Variants in CERS3 observed in about 807,000 individuals in gnomAD.
CERS3 encodes ceramide synthase 3, also known as LAG1 homolog, ceramide synthase 3.
A neutral mutation model predicts 50.3 loss-of-function variants in CERS3; 33 were observed. The ratio of observed to expected loss-of-function variants is 0.66; its 90% confidence interval spans 0.50 to 0.88. CERS3 has a LOEUF of 0.88. CERS3 is among the 40% of genes least tolerant of loss of function. The pLI, the probability that CERS3 is intolerant of heterozygous loss-of-function variation, is 0.00. For missense variants in CERS3, 470 were observed against 460.3 expected (o/e 1.02, Z -0.19); for synonymous variants, 176 against 155.2 (o/e 1.13, Z -0.99).
At chr15:100,479,812 C>A (rs1475029225) in intron 6 of CERS3, among the ~76,000 whole-genome samples, 177 bp downstream of exon 6, 1 of 151,972 alleles carries the variant, frequency 6.6e-6, no homozygotes, top group South Asian at 2.1e-4. Context: ...ATTGCTTCTG[C>A]AGCAATAAAA....
chr15:100,450,326 G>A (rs1337580715), intron 11 of CERS3, among the ~76,000 whole-genome samples: 1 of 151,570 alleles, frequency 6.6e-6, no homozygotes, highest in Admixed American at 6.6e-5. Context: ...GTTGAGGCAG[G>A]GGAATTGCTT....
chr15:100,411,399 T>G (rs1483457412), intron 11 of CERS3, among the ~76,000 whole-genome samples: 3 of 152,132 alleles, frequency 2.0e-5, no homozygotes, highest in Non-Finnish European at 2.9e-5. Context: ...TGACCTCAGG[T>G]GATCCACCCG....
At chr15:100,514,633 TG>T (rs1165342468) in intron 2 of CERS3, among the ~76,000 whole-genome samples, 2 of 152,182 alleles carry the variant, frequency 1.3e-5, no homozygotes, top group East Asian at 3.8e-4. Context: ...ATCCAGCTAA[TG>T]TTAGAAATTA....
chr15:100,495,034 C>A (rs12913650), intron 3 of CERS3, among the ~76,000 whole-genome samples: 8 of 152,170 alleles, frequency 5.3e-5, no homozygotes, highest in African/African-American at 1.9e-4. Context: ...TTGTTTTAGA[C>A]AAACACCCTC....
chr15:100,530,552 C>G (rs2036912754), upstream of CERS3, among the ~76,000 whole-genome samples: 1 of 152,230 alleles, frequency 6.6e-6, no homozygotes, highest in Non-Finnish European at 1.5e-5. Flanking sequence ...ACCTACTACT[C>G]TATCACAACT....
chr15:100,544,470 G>T (rs2037305697), intron 1 of CERS3: 1 of 145,670 alleles, frequency 6.9e-6, no homozygotes, highest in Admixed American at 6.9e-5. Context: ...GTCTGCGCGG[G>T]GACACGGGCC....
chr15:100,460,748 G>GT (rs1205217146), intron 10 of CERS3, among the ~76,000 whole-genome samples: 1 of 152,152 alleles, frequency 6.6e-6, no homozygotes, highest in Non-Finnish European at 1.5e-5. Flanking sequence ...CCCTTACTAG[G>GT]TCCCCTATTG....
chr15:100,465,903 C>G (rs901519125), intron 10 of CERS3, among the ~76,000 whole-genome samples: 1 of 152,164 alleles, frequency 6.6e-6, no homozygotes, highest in African/African-American at 2.4e-5. Flanking sequence ...AGGTGATCCT[C>G]CTGCCTTGGC....
chr15:100,475,502 T>C (rs994248361), intron 8 of CERS3, among the ~76,000 whole-genome samples: 3 of 152,222 alleles, frequency 2.0e-5, no homozygotes, highest in African/African-American at 4.8e-5. Flanking sequence ...GGATTTAACA[T>C]GGTTTGCTGG....
chr15:100,490,892 T>G lies in CERS3; in HGVS notation c.213A>C (p.Lys71Asn). The change falls in exon 4 of 12, where the codon AAA becomes AAC. Residue 71 changes from lysine (K) to asparagine (N), a missense_variant. Lys to Asn is a moderately conservative substitution (Grantham distance 94, BLOSUM62 0). Transcript: ENST00000679737. ...ASPLAKSFGIKETVRKVTPNT... is the reference protein window; with the variant it reads ...ASPLAKSFGINETVRKVTPNT... The stretch of plus-strand genomic sequence containing the variant: ...TTGGTGTAACCTTTCGAACTGTCTC[T>G]TTAATGCCAAATGATTTTGCTAGAG... The G allele has an allele frequency of 6.2e-7, 1 of 1,607,518 alleles. No homozygotes were observed. The highest frequency in any genetic ancestry group is 8.5e-7 in the Non-Finnish European group (1 of 1,177,988).
At chr15:100,540,672 C>T (rs904667079) in intron 1 of CERS3, among the ~76,000 whole-genome samples, 11 of 152,252 alleles carry the variant, frequency 7.2e-5, no homozygotes, top group Non-Finnish European at 8.8e-5. Context: ...TGCAATACAA[C>T]TTGATCAGAG....
At chr15:100,475,400 T>C (rs2587760) in intron 8 of CERS3, among the ~76,000 whole-genome samples, 133,785 of 152,246 alleles carry the variant, frequency 0.88, 59,364 homozygotes, top group South Asian at 0.96. Context: ...CAGCCTTTTA[T>C]TTACGGTGTA....
chr15:100,499,361 CCA>C (rs558377540), intron 3 of CERS3, among the ~76,000 whole-genome samples: 5 of 151,790 alleles, frequency 3.3e-5, no homozygotes, highest in Admixed American at 2.6e-4. Flanking sequence ...AAAACATTAG[CCA>C]CACACACACA....
intron 11 of CERS3, among the ~76,000 whole-genome samples, chr15:100,406,948 A>T (rs2031085540): frequency 6.6e-6 from 1 of 152,204 alleles, no homozygotes; most frequent in South Asian, 2.1e-4. Flanking sequence ...AGAGAGAGAG[A>T]GAGCTTGTGC....
At chr15:100,431,044 G>C (rs1318865903) in intron 11 of CERS3, among the ~76,000 whole-genome samples, 1 of 152,168 alleles carries the variant, frequency 6.6e-6, no homozygotes, top group Non-Finnish European at 1.5e-5. Context: ...CTGAGATATT[G>C]TATTTCTAGC....
chr15:100,484,422 C>T, intron 5 of CERS3, 128 bp downstream of exon 5: 2 of 656,210 alleles, frequency 3.0e-6, no homozygotes, highest in South Asian at 3.6e-5. Context: ...GCCTAAAACA[C>T]CACATCAGTG....
At position 100,402,740 on chromosome 15, in the gene CERS3, G is replaced by A; in HGVS notation, c.1125C>T (p.Leu375=). The A allele has an allele frequency of 2.5e-6, 4 of 1,614,168 alleles. No individual in the cohort carries two copies. Among genetic ancestry groups the A allele is most frequent in the Middle Eastern group, 1.6e-4 (1 of 6,062 alleles). ...LKNGLRAERH[L]IPNGQHGH ...AATGGCCATGCTGGCCATTGGGAAT[G>A]AGGTGCCTCTCAGCCCTGAGGCCGT... Residue 375 remains leucine, a synonymous_variant, in exon 12 of 12, where the codon CTC becomes CTT. Coordinates refer to ENST00000679737, the MANE Select transcript of CERS3 (RefSeq NM_001378789.1).
At chr15:100,507,681 C>T (rs1305691292) in intron 2 of CERS3, among the ~76,000 whole-genome samples, 1 of 152,366 alleles carries the variant, frequency 6.6e-6, no homozygotes, top group East Asian at 1.9e-4. Context: ...TGGTACGATG[C>T]CTTTCCCATT....
chr15:100,502,792 C>T (rs947293410), intron 2 of CERS3, among the ~76,000 whole-genome samples: 2 of 151,976 alleles, frequency 1.3e-5, no homozygotes, highest in Admixed American at 1.3e-4. Context: ...GACTTCAACA[C>T]ATTTTTTTTT....
Sources: allele counts gnomAD v4.1 joint callset (sites outside exome capture counted in the v4.1 genomes callset), GRCh38; gene constraint gnomAD v4.1.1; transcripts MANE v1.5; gene names NCBI Gene and HGNC (gene_info 2026-07-23, HGNC 2026-07-21).